CNTN4: variants seen among roughly 807,000 people sequenced by gnomAD.
CNTN4 encodes the protein contactin-4.
A neutral mutation model predicts 122.5 loss-of-function variants in CNTN4; 77 were observed. That is an observed-to-expected ratio of 0.63 (90% CI 0.52 to 0.76). The LOEUF is 0.76. Ranked by LOEUF, CNTN4 falls within the 30% of genes least tolerant of loss-of-function variation. CNTN4 has a pLI of 0.00. For synonymous variants in CNTN4, 512 were observed against 447.0 expected (o/e 1.15, Z -1.83); for missense variants, 1,256 against 1,259.1 (o/e 1.00, Z 0.04).
rs999510036 is a variant in CNTN4 at position 3,057,774 on chromosome 3, G to C, written c.*1554G>C. 6.6e-6 allele frequency: 1 copy of C among 152,022 alleles called. No individual in the cohort carries two copies. The highest frequency in any genetic ancestry group is 2.1e-4 in the South Asian group (1 of 4,810). The allele number at this position is 152,022 out of a possible 1,614,324, so 9.4% of individuals were successfully genotyped here. On this transcript the variant is annotated 3_prime_UTR_variant, in exon 25 of 25. Transcript: ENST00000418658. The stretch of plus-strand genomic sequence containing the variant: ...TGTGTTCCTTTCTTAGTTTGATATG[G>C]TTACTTCTATGTTGAAATAAAATTT...
chr3:2,337,036 G>T, intron 2 of CNTN4, among the ~76,000 whole-genome samples: 1 of 152,134 alleles, frequency 6.6e-6, no homozygotes, highest in Non-Finnish European at 1.5e-5. Context: ...CTTTTCAGGA[G>T]CAACAGGTGG....
At chr3:2,471,731 T>C (rs72997985) in intron 3 of CNTN4, among the ~76,000 whole-genome samples, 1 of 152,312 alleles carries the variant, frequency 6.6e-6, no homozygotes, top group Non-Finnish European at 1.5e-5. Context: ...AAAAAAGCTC[T>C]CCTCTAAATG....
chr3:2,747,609 C>CA (rs1007578401), intron 6 of CNTN4, among the ~76,000 whole-genome samples: 2 of 151,824 alleles, frequency 1.3e-5, no homozygotes, highest in African/African-American at 4.8e-5. Context: ...TTAACCAAAA[C>CA]AAAAAACAAA....
At chr3:2,375,004 T>A (rs1240719268) in intron 3 of CNTN4, among the ~76,000 whole-genome samples, 1 of 152,238 alleles carries the variant, frequency 6.6e-6, no homozygotes, top group African/African-American at 2.4e-5. Flanking sequence ...TATTGTCGCA[T>A]TGTGTCATAC....
chr3:2,164,645 C>A (rs764147887), intron 2 of CNTN4, among the ~76,000 whole-genome samples: 2 of 152,094 alleles, frequency 1.3e-5, no homozygotes, highest in African/African-American at 4.8e-5. Context: ...CAATTAGTTA[C>A]CTTCAAGGAA....
intron 3 of CNTN4, among the ~76,000 whole-genome samples, chr3:2,504,584 A>G (rs955097068): frequency 5.9e-5 from 9 of 152,298 alleles, no homozygotes; most frequent in East Asian, 1.9e-4. Context: ...TCCTCAATGT[A>G]TGCTAAAACT....
intron 2 of CNTN4, among the ~76,000 whole-genome samples, chr3:2,282,397 G>T (rs1470687674): frequency 6.7e-6 from 1 of 148,962 alleles, no homozygotes; most frequent in Non-Finnish European, 1.5e-5. Flanking sequence ...AGCAATGAGA[G>T]CAAGCACATA....
At chr3:2,615,993 A>G (rs1365799754) in intron 4 of CNTN4, among the ~76,000 whole-genome samples, 2 of 151,028 alleles carry the variant, frequency 1.3e-5, no homozygotes, top group Admixed American at 6.6e-5. Context: ...ATTTGGCAAA[A>G]TTAAGAATAC....
intron 6 of CNTN4, among the ~76,000 whole-genome samples, chr3:2,773,493 G>A (rs1032846881): frequency 1.3e-5 from 2 of 152,108 alleles, no homozygotes; most frequent in Admixed American, 6.6e-5. Context: ...CACACTGATT[G>A]CAGCATGGAG....
chr3:2,355,513 A>T (rs1021400791), intron 3 of CNTN4, among the ~76,000 whole-genome samples: 4 of 152,172 alleles, frequency 2.6e-5, no homozygotes, highest in African/African-American at 9.7e-5. Context: ...TCAGGTCAGG[A>T]GCAAAGGTTA....
intron 14 of CNTN4, among the ~76,000 whole-genome samples, chr3:3,008,618 C>T (rs1014992173): frequency 2.6e-5 from 4 of 152,152 alleles, no homozygotes; most frequent in Non-Finnish European, 5.9e-5. Context: ...ACCCACCTCC[C>T]TAAGTCGTTC....
chr3:2,423,191 A>G (rs2047676535), intron 3 of CNTN4, among the ~76,000 whole-genome samples: 2 of 152,240 alleles, frequency 1.3e-5, no homozygotes, highest in African/African-American at 4.8e-5. Flanking sequence ...GGAAAGCCTC[A>G]CAAGTTGTTG....
At chr3:2,607,834 G>T (rs567922259) in intron 4 of CNTN4, among the ~76,000 whole-genome samples, 1 of 151,986 alleles carries the variant, frequency 6.6e-6, no homozygotes. Flanking sequence ...ATTATGTAGG[G>T]TATCAATTTA....
At chr3:2,307,490 G>A (rs963247269) in intron 2 of CNTN4, among the ~76,000 whole-genome samples, 2 of 151,546 alleles carry the variant, frequency 1.3e-5, no homozygotes, top group Admixed American at 6.6e-5. Flanking sequence ...TTGATCTCAC[G>A]GGAAAAGCTT....
chr3:2,672,718 G>A (rs1428651005), intron 4 of CNTN4, among the ~76,000 whole-genome samples: 1 of 152,198 alleles, frequency 6.6e-6, no homozygotes, highest in Non-Finnish European at 1.5e-5. Flanking sequence ...GACTGGAGCT[G>A]TTCCTATTCG....
chr3:2,121,373 C>T (rs998148983), intron 2 of CNTN4, among the ~76,000 whole-genome samples: 1 of 151,960 alleles, frequency 6.6e-6, no homozygotes, highest in Non-Finnish European at 1.5e-5. Flanking sequence ...TGGCACGTGC[C>T]TGTAAACCCA....
intron 3 of CNTN4, among the ~76,000 whole-genome samples, chr3:2,509,809 T>C (rs1321855295): frequency 2.6e-5 from 4 of 152,148 alleles, no homozygotes; most frequent in Admixed American, 2.6e-4. Flanking sequence ...GCCTCACCTT[T>C]CTCTACCTTT....
At chr3:2,346,922 A>T (rs549059432) in intron 3 of CNTN4, among the ~76,000 whole-genome samples, 1 of 152,180 alleles carries the variant, frequency 6.6e-6, no homozygotes, top group Non-Finnish European at 1.5e-5. Context: ...TGGTATTTCT[A>T]AAATTACTTT....
chr3:2,449,302 C>G (rs1395940159), intron 3 of CNTN4, among the ~76,000 whole-genome samples: 1 of 152,126 alleles, frequency 6.6e-6, no homozygotes, highest in Non-Finnish European at 1.5e-5. Context: ...GTGAATAATA[C>G]TGCAATAAAC....
Sources: gnomAD v4.1 joint callset for allele counts (sites outside exome capture counted in the v4.1 genomes callset) on GRCh38, gnomAD v4.1.1 for gene constraint, MANE v1.5 for transcripts, NCBI Gene and HGNC (gene_info 2026-07-23, HGNC 2026-07-21) for gene names.